The following RUNX1 variants were observed in gnomAD, a reference collection of about 807,000 sequenced individuals.
RUNX1 encodes the protein runt-related transcription factor 1.
Under a neutral mutation model 42.8 loss-of-function variants are expected in RUNX1, and 19 were observed. The observed-to-expected ratio is 0.44, with a 90% CI of 0.31 to 0.65. RUNX1 has a LOEUF of 0.65. Among genes scored for constraint, RUNX1 ranks in the 30% least tolerant of loss-of-function variants. RUNX1 has a pLI of 0.07. For missense variants in RUNX1, 528 were observed against 672.0 expected (o/e 0.79, Z 2.37); for synonymous variants, 271 against 289.4 (o/e 0.94, Z 0.64).
At chr21:34,888,372 C>G in intron 3 of RUNX1, 4 of 1,067,608 alleles carry the variant, frequency 3.7e-6, no homozygotes. Context: ...CTTCACGGCT[C>G]GCCTCGGACC....
chr21:34,834,066 A>C, intron 7 of RUNX1: 2 of 470,662 alleles, frequency 4.2e-6, no homozygotes, highest in East Asian at 4.6e-5. Context: ...CCTAATGGGT[A>C]GGTAAAAAAA....
chr21:34,993,879 G>T (rs768535437), intron 2 of RUNX1, among the ~76,000 whole-genome samples: 1 of 152,098 alleles, frequency 6.6e-6, no homozygotes, highest in Non-Finnish European at 1.5e-5. Context: ...AATGTGACAT[G>T]AATGACCTGG....
At chr21:34,939,158 G>GT (rs1569114926) in intron 2 of RUNX1, among the ~76,000 whole-genome samples, 2 of 152,156 alleles carry the variant, frequency 1.3e-5, no homozygotes, top group African/African-American at 4.8e-5. Flanking sequence ...TTAGAGAATC[G>GT]TAATGGATCA....
intron 2 of RUNX1, among the ~76,000 whole-genome samples, chr21:34,911,832 G>A (rs1045213460): frequency 6.6e-6 from 1 of 152,034 alleles, no homozygotes; most frequent in Non-Finnish European, 1.5e-5. Context: ...CCTTTTCAGG[G>A]GCTTTCCTTC....
chr21:34,908,904 TTTC>T (rs1366977466), intron 2 of RUNX1, among the ~76,000 whole-genome samples: 2 of 152,118 alleles, frequency 1.3e-5, no homozygotes, highest in Admixed American at 6.5e-5. Context: ...GCCATTGACC[TTTC>T]TTCTATATTT....
In RUNX1 at chr21:34,843,056, C is replaced by T. The variant is rs966712394; in HGVS notation, c.614-8455G>A. On this transcript the variant is annotated intron_variant, in intron 6 of 8. Coordinates refer to ENST00000675419, the MANE Select transcript of RUNX1 (RefSeq NM_001754.5). The surrounding 1 kb of genome is among the most constrained non-coding windows in gnomAD (Gnocchi z 4.8). ...GTGCACTCCAGCCTGAGCGACAGAG[C>T]GAGACTCTGTCTCAAAAAACAAAAC... is the stretch of plus-strand genomic sequence containing the variant. 2.0e-5 allele frequency among the ~76,000 whole-genome samples: 3 copies of T among 151,948 alleles called. No homozygotes were observed. The highest frequency in any genetic ancestry group is 2.9e-5 in the Non-Finnish European group (2 of 67,970).
At chr21:34,826,235 A>G (rs1208179227) in intron 7 of RUNX1, among the ~76,000 whole-genome samples, 1 of 152,120 alleles carries the variant, frequency 6.6e-6, no homozygotes, top group African/African-American at 2.4e-5. Flanking sequence ...TAAATGGATT[A>G]ATGCCATAAT....
intron 2 of RUNX1, among the ~76,000 whole-genome samples, chr21:35,028,199 T>C (rs1238545137): frequency 1.3e-5 from 2 of 152,192 alleles, no homozygotes; most frequent in African/African-American, 4.8e-5. Context: ...TGGCTGGGAC[T>C]ACAGGGCTAT....
intron 2 of RUNX1, among the ~76,000 whole-genome samples, chr21:34,963,288 C>T (rs1253214047): frequency 6.6e-6 from 1 of 152,150 alleles, no homozygotes; most frequent in East Asian, 1.9e-4. Context: ...GCTGGGTCCA[C>T]GTGGAAGATG....
At chr21:34,966,457 C>G (rs2058718922) in intron 2 of RUNX1, among the ~76,000 whole-genome samples, 1 of 152,122 alleles carries the variant, frequency 6.6e-6, no homozygotes. Context: ...TTGCCTAAAG[C>G]CACATGGCCA....
intron 5 of RUNX1, among the ~76,000 whole-genome samples, chr21:34,874,257 A>G (rs553785742): frequency 1.3e-5 from 2 of 152,172 alleles, no homozygotes; most frequent in Non-Finnish European, 2.9e-5. Flanking sequence ...TTATTCATAA[A>G]CATCTCTTTA....
chr21:34,888,837 C>A (rs2058037081), intron 3 of RUNX1: 1 of 329,462 alleles, frequency 3.0e-6, no homozygotes, highest in African/African-American at 2.2e-5. Context: ...GCCGCCGGCT[C>A]CTGGAATTGG....
chr21:34,988,791 C>T lies in RUNX1; in HGVS notation c.58+60051G>A, dbSNP rs141531189. Among the ~76,000 whole-genome samples the T allele has an allele frequency of 3.9e-5, 6 of 152,294 alleles. No homozygotes were observed. The East Asian group carries it at 5.8e-4, about 15-fold the overall frequency. ...TCCTGTCCTGAGTGAGCACCCTGCA[C>T]ATGAGGTTGTTTGAGAACACTGGCT... is the stretch of plus-strand genomic sequence containing the variant. On this transcript the variant is annotated intron_variant, in intron 2 of 8. Coordinates refer to ENST00000675419, the MANE Select transcript of RUNX1 (RefSeq NM_001754.5).
At chr21:34,909,287 T>C (rs1292321877) in intron 2 of RUNX1, among the ~76,000 whole-genome samples, 1 of 152,136 alleles carries the variant, frequency 6.6e-6, no homozygotes, top group Non-Finnish European at 1.5e-5. Context: ...TGGAACTGAG[T>C]ATCAAACCTT....
chr21:35,028,983 G>T (rs1033365120), intron 2 of RUNX1, among the ~76,000 whole-genome samples: 1 of 152,232 alleles, frequency 6.6e-6, no homozygotes, highest in African/African-American at 2.4e-5. Flanking sequence ...AATTGGAGAG[G>T]GGTTCCTTTT....
intron 2 of RUNX1, among the ~76,000 whole-genome samples, chr21:34,986,511 C>T (rs865774360): frequency 9.3e-5 from 14 of 150,054 alleles, no homozygotes; most frequent in African/African-American, 3.0e-4. Flanking sequence ...CAGGTTGTCA[C>T]GCTTTTTGGA....
chr21:35,048,767 A>C lies in RUNX1; in HGVS notation c.58+75T>G, dbSNP rs1431259804. 9.6e-6 allele frequency: 12 copies of C among 1,248,848 alleles called. No homozygotes were observed. In the East Asian group the frequency reaches 2.5e-4, roughly 26 times the overall value. The allele number at this position is 1,248,848 out of a possible 1,614,324, so 77.4% of individuals were successfully genotyped here. A position where few individuals can be genotyped will look rare whatever the true frequency, so the allele number is the denominator to read the frequency against. On this transcript the variant is annotated intron_variant, in intron 2 of 8. Transcript: ENST00000675419. ...CAGGCACCGAGGCATCTCTGCACCG[A>C]GGTGAAACAAGCTGCCATTTCATTA...
chr21:34,943,550 T>C (rs2058543460), intron 2 of RUNX1, among the ~76,000 whole-genome samples: 1 of 152,046 alleles, frequency 6.6e-6, no homozygotes, highest in African/African-American at 2.4e-5. Flanking sequence ...AAGACAGAAG[T>C]TGTTATAGAA....
intron 2 of RUNX1, among the ~76,000 whole-genome samples, chr21:35,043,634 A>G (rs531514328): frequency 1.3e-5 from 2 of 152,348 alleles, no homozygotes; most frequent in Admixed American, 1.3e-4. Context: ...TTGGTAATTT[A>G]GATGCAAGCT....
Sources: allele counts gnomAD v4.1 joint callset (sites outside exome capture counted in the v4.1 genomes callset), GRCh38; gene constraint gnomAD v4.1.1; non-coding constraint Gnocchi (gnomAD v3.1); transcripts MANE v1.5; gene names NCBI Gene and HGNC (gene_info 2026-07-23, HGNC 2026-07-21).